DCK: variants seen among roughly 807,000 people sequenced by gnomAD.
DCK encodes the protein deoxycytidine kinase.
In DCK, 23 loss-of-function variants were observed where a neutral mutation model predicts 38.3. That is an observed-to-expected ratio of 0.60 (90% CI 0.43 to 0.85). The LOEUF (loss-of-function observed/expected upper bound fraction) is 0.85, where lower values mean the gene tolerates loss of function less well. Among genes scored for constraint, DCK ranks in the 40% least tolerant of loss-of-function variants. The pLI, the probability that DCK is intolerant of heterozygous loss-of-function variation, is 0.00. For missense variants in DCK, 259 were observed against 304.4 expected, an observed-to-expected ratio of 0.85 and a Z score of 1.11; for synonymous variants, 108 against 100.6, an observed-to-expected ratio of 1.07 and a Z score of -0.44.
chr4:71,018,351 A>G (rs1391888690), intron 2 of DCK, among the ~76,000 whole-genome samples: 1 of 151,982 alleles, frequency 6.6e-6, no homozygotes, highest in Non-Finnish European at 1.5e-5. Flanking sequence ...GATGGTCTCG[A>G]TCTCCTGACC....
chr4:71,017,682 AAAAAC>A (rs1205235028), intron 2 of DCK, among the ~76,000 whole-genome samples: 1 of 151,108 alleles, frequency 6.6e-6, no homozygotes, highest in Non-Finnish European at 1.5e-5. Context: ...CGCAGGGAAA[AAAAAC>A]AAAACACTGC....
chr4:71,018,711 A>G (rs1248842702), intron 2 of DCK, among the ~76,000 whole-genome samples: 1 of 120,938 alleles, frequency 8.3e-6, no homozygotes, highest in Non-Finnish European at 1.7e-5. Context: ...TTGCTCTGTT[A>G]CCCAGGCTGG....
At chr4:70,998,006 T>A (rs575368452) in intron 1 of DCK, 61 bp from the exon 2 acceptor site, 2 of 761,200 alleles carry the variant, frequency 2.6e-6, no homozygotes, top group East Asian at 5.6e-5. Flanking sequence ...AGCTAATGAC[T>A]ACTTGACATC....
intron 2 of DCK, among the ~76,000 whole-genome samples, chr4:71,018,767 G>T (rs543846915): frequency 6.7e-6 from 1 of 149,702 alleles, no homozygotes; most frequent in Non-Finnish European, 1.5e-5. Context: ...CACCTCCCAG[G>T]CATAAGCAAT....
chr4:71,019,348 TTAAAA>T (rs1275836663), intron 2 of DCK, among the ~76,000 whole-genome samples: 7 of 152,302 alleles, frequency 4.6e-5, no homozygotes, highest in South Asian at 2.1e-4. Context: ...TATTGAGAAA[TTAAAA>T]TAAAAGGAGG....
intron 2 of DCK, among the ~76,000 whole-genome samples, chr4:71,006,989 A>G (rs1351229368): frequency 6.6e-6 from 1 of 152,236 alleles, no homozygotes; most frequent in Non-Finnish European, 1.5e-5. Flanking sequence ...CACATATGCA[A>G]AGAGGAATCA....
chr4:71,005,989 G>T (rs1268535879), intron 2 of DCK, among the ~76,000 whole-genome samples: 1 of 150,948 alleles, frequency 6.6e-6, no homozygotes, highest in Non-Finnish European at 1.5e-5. Flanking sequence ...AGCTGGGCGT[G>T]GTGGTGGGCG....
intron 2 of DCK, among the ~76,000 whole-genome samples, chr4:71,011,895 A>G (rs1740098462): frequency 6.6e-6 from 1 of 152,230 alleles, no homozygotes; most frequent in Admixed American, 6.5e-5. Flanking sequence ...AACAGAATAA[A>G]TGTTATTCAT....
chr4:71,004,003 C>T (rs1292588707), intron 2 of DCK, among the ~76,000 whole-genome samples: 1 of 152,136 alleles, frequency 6.6e-6, no homozygotes, highest in Non-Finnish European at 1.5e-5. Context: ...CTCTTGCTGG[C>T]GAGGAGTTGT....
intron 3 of DCK, among the ~76,000 whole-genome samples, 182 bp from the exon 4 acceptor site, chr4:71,023,377 T>A (rs770549851): frequency 6.6e-6 from 1 of 152,216 alleles, no homozygotes; most frequent in Non-Finnish European, 1.5e-5. Context: ...AATGGGGTCC[T>A]CACTCCGTAT....
At chr4:71,022,288 A>AT in intron 2 of DCK, 79 bp from the exon 3 acceptor site, 1 of 765,020 alleles carries the variant, frequency 1.3e-6, no homozygotes, top group Non-Finnish European at 2.0e-6. Flanking sequence ...TCTGACTTTT[A>AT]TTTTTTAGCC....
chr4:71,020,128 T>G (rs1740377819), intron 2 of DCK, among the ~76,000 whole-genome samples: 4 of 152,222 alleles, frequency 2.6e-5, no homozygotes. Context: ...ATTGTCTCTT[T>G]GTTTATAATT....
Position 70,993,783 on chromosome 4 carries a change from C to T in DCK, c.-53C>T. The T allele has an allele frequency of 5.9e-6, 8 of 1,348,546 alleles. No homozygotes were observed. The South Asian group carries it at 9.8e-5, about 16-fold the overall frequency. The allele number at this position is 1,348,546 out of a possible 1,614,324, so 83.5% of individuals were successfully genotyped here. On this transcript the variant is annotated 5_prime_UTR_variant, in exon 1 of 7. Transcript: ENST00000286648. ...GAGCTCCAGTGCGCGCACCCGTGGC[C>T]GCCTCCCAGCCCTCTTTGCCGGACG...
chr4:71,018,149 C>T (rs1313044223), intron 2 of DCK, among the ~76,000 whole-genome samples: 7 of 113,270 alleles, frequency 6.2e-5, no homozygotes, highest in Admixed American at 3.9e-4. Context: ...TTTTTTGAGA[C>T]GGAGTCTCGC....
intron 6 of DCK, 113 bp downstream of exon 6, chr4:71,026,868 G>A: frequency 1.7e-6 from 1 of 584,738 alleles, no homozygotes; most frequent in Middle Eastern, 2.8e-4. Context: ...TTAAGAAACA[G>A]TTAAGAGCTT....
intron 2 of DCK, among the ~76,000 whole-genome samples, chr4:71,003,914 C>T (rs1446067592): frequency 6.6e-6 from 1 of 152,174 alleles, no homozygotes; most frequent in African/African-American, 2.4e-5. Flanking sequence ...TGCTTTAGCT[C>T]AGTGGAGTTT....
intron 2 of DCK, among the ~76,000 whole-genome samples, chr4:71,019,233 G>A (rs1447547955): frequency 6.6e-6 from 1 of 151,986 alleles, no homozygotes; most frequent in Non-Finnish European, 1.5e-5. Context: ...TGTATTTTTA[G>A]AACTAGTTTA....
At chr4:71,024,523 A>G (rs928539775) in intron 4 of DCK, among the ~76,000 whole-genome samples, 2 of 152,032 alleles carry the variant, frequency 1.3e-5, no homozygotes, top group African/African-American at 4.8e-5. Flanking sequence ...ATGAATGTAA[A>G]TGTTATGACT....
At position 71,019,862 on chromosome 4, in the gene DCK, C is replaced by T. The variant is rs557738978; in HGVS notation, c.208-2505C>T. Among the ~76,000 whole-genome samples the T allele has an allele frequency of 1.1e-4, 16 of 152,230 alleles. No homozygotes were observed. The East Asian group carries it at 1.4e-3, about 13-fold the overall frequency. ...AAGTACAGTGCATGATCTCAGCTCA[C>T]GGCAACTTCTGCCTCCCCAGTTCAA... On this transcript the variant is annotated intron_variant, in intron 2 of 6. Transcript: ENST00000286648.
Sources: allele counts gnomAD v4.1 joint callset (sites outside exome capture counted in the v4.1 genomes callset), GRCh38; gene constraint gnomAD v4.1.1; transcripts MANE v1.5; gene names NCBI Gene and HGNC (gene_info 2026-07-23, HGNC 2026-07-21).